Variants in PLEKHG5 observed in about 807,000 individuals in gnomAD.
PLEKHG5 encodes the protein pleckstrin homology domain-containing family G member 5.
PLEKHG5 carries 52 observed loss-of-function variants against 103.8 expected under a neutral mutation model. The ratio of observed to expected loss-of-function variants is 0.50; its 90% CI spans 0.40 to 0.63. PLEKHG5 has a LOEUF of 0.63. PLEKHG5 is among the 30% of genes least tolerant of loss of function. PLEKHG5 has a pLI of 0.00. For missense variants in PLEKHG5, 1,205 were observed against 1,347.6 expected (o/e 0.89, Z 1.66); for synonymous variants, 592 against 575.5 (o/e 1.03, Z -0.41).
chr1:6,475,392 A>C, intron 4 of PLEKHG5, 70 bp downstream of exon 4: 1 of 1,354,120 alleles, frequency 7.4e-7, no homozygotes, highest in Non-Finnish European at 1.1e-6. Context: ...ATCCCGGAGG[A>C]AGGCCCAGGC....
chr1:6,507,193 C>G (rs1429911017), intron 1 of PLEKHG5, among the ~76,000 whole-genome samples: 2 of 152,138 alleles, frequency 1.3e-5, no homozygotes, highest in Non-Finnish European at 2.9e-5. Context: ...ATCCACGTGA[C>G]CTGTGCCCCA....
In PLEKHG5 at chr1:6,490,630, T is replaced by G. The variant is rs1645133763; in HGVS notation, c.-88+1007A>C. The G allele has an allele frequency of 1.0e-6, 1 of 984,610 alleles. No individual in the cohort carries two copies. The highest frequency in any genetic ancestry group is 4.7e-5 in the South Asian group (1 of 21,268). The allele number at this position is 984,610 out of a possible 1,614,324, so 61.0% of individuals were successfully genotyped here. On this transcript the variant is annotated intron_variant, in intron 1 of 20. Transcript: ENST00000377728. This position sits in a 1 kb window ranked among gnomAD's most constrained non-coding sequence, Gnocchi z 8.0. Reference sequence around the variant, plus strand: ...CGGTAGCCGCGCGGGCGCTACCACCTGGACCGGCCGGGATGTACCAACGGC... The same window carrying G: ...CGGTAGCCGCGCGGGCGCTACCACCGGGACCGGCCGGGATGTACCAACGGC...
At chr1:6,514,171 A>C (rs1638551585) in intron 1 of PLEKHG5, among the ~76,000 whole-genome samples, 1 of 152,186 alleles carries the variant, frequency 6.6e-6, no homozygotes, top group African/African-American at 2.4e-5. Flanking sequence ...AAAAAAATTA[A>C]AAATTAGCCA....
intron 1 of PLEKHG5, among the ~76,000 whole-genome samples, chr1:6,516,670 A>G (rs1638622553): frequency 6.6e-6 from 1 of 151,766 alleles, no homozygotes; most frequent in Non-Finnish European, 1.5e-5. Context: ...AAAATATAAA[A>G]TAAAAGATGA....
intron 1 of PLEKHG5, among the ~76,000 whole-genome samples, chr1:6,482,169 ATCC>A (rs1181102304): frequency 1.3e-5 from 2 of 151,648 alleles, no homozygotes; most frequent in African/African-American, 4.9e-5. Context: ...TCACCTTCTC[ATCC>A]TCCTCATTCG....
Position 6,477,663 on chromosome 1 carries a change from G to C in PLEKHG5, c.-87-5C>G. The C allele has an allele frequency of 6.2e-7, 1 of 1,602,352 alleles. No individual in the cohort carries two copies. Among genetic ancestry groups the C allele is most frequent in the Non-Finnish European group, 8.5e-7 (1 of 1,179,832 alleles). ...GCAGTCGGCGTGGTGACATACCTGG[G>C]GTGGGGACAGAAGCCTTCAGGAGGT... On this transcript the variant is annotated splice_region_variant and splice_polypyrimidine_tract_variant and intron_variant, in intron 1 of 20. Coordinates refer to ENST00000377728, the MANE Select transcript of PLEKHG5 (RefSeq NM_020631.6).
Position 6,490,703 on chromosome 1 carries a change from G to A in PLEKHG5, c.-88+934C>T, listed in dbSNP as rs1372952474. On this transcript the variant is annotated intron_variant, in intron 1 of 20. Transcript: ENST00000377728. This position sits in a 1 kb window ranked among gnomAD's most constrained non-coding sequence, Gnocchi z 8.0. The stretch of plus-strand genomic sequence containing the variant: ...GAGGAGGGGTCCCAGGAAGGGCCCC[G>A]CGCCGGAGCCAGGGAGGTGGCTGGA... 1.5e-5 allele frequency: 10 copies of A among 680,720 alleles called. No homozygotes were observed. The highest frequency in any genetic ancestry group is 1.8e-5 in the Non-Finnish European group (10 of 552,006). The allele number at this position is 680,720 out of a possible 1,614,324, so 42.2% of individuals were successfully genotyped here.
intron 16 of PLEKHG5, 95 bp from the exon 17 acceptor site, chr1:6,469,771 C>CA: frequency 8.7e-7 from 1 of 1,154,184 alleles, no homozygotes; most frequent in Non-Finnish European, 1.3e-6. Context: ...CGGTTTTTGT[C>CA]AAACACTCCT....
chr1:6,519,387 T>C (rs991770918), intron 1 of PLEKHG5: 1 of 1,361,952 alleles, frequency 7.3e-7, no homozygotes, highest in African/African-American at 1.4e-5. Context: ...AAGCCCCTCC[T>C]TTCACTCTGT....
At chr1:6,494,924 G>C (rs1346204735), upstream of PLEKHG5, among the ~76,000 whole-genome samples, 1 of 152,210 alleles carries the variant, frequency 6.6e-6, no homozygotes, top group African/African-American at 2.4e-5. Context: ...AGGGCTGGAG[G>C]TGAGGTCTGG....
At chr1:6,509,451 G>T (rs1282177726) in intron 1 of PLEKHG5, among the ~76,000 whole-genome samples, 1 of 152,200 alleles carries the variant, frequency 6.6e-6, no homozygotes, top group Admixed American at 6.5e-5. Flanking sequence ...CCCAAGCAGG[G>T]TCCACCCCCG....
intron 1 of PLEKHG5, among the ~76,000 whole-genome samples, chr1:6,515,687 G>C (rs1000962599): frequency 4.0e-5 from 6 of 151,450 alleles, no homozygotes; most frequent in Non-Finnish European, 5.9e-5. Context: ...AAAAAAAAAA[G>C]ACTATGTAAG....
intron 1 of PLEKHG5, among the ~76,000 whole-genome samples, chr1:6,512,211 C>G (rs9787374): frequency 0.25 from 38,691 of 152,092 alleles, 5,494 homozygotes; most frequent in East Asian, 0.6. Context: ...GTCCACCACC[C>G]TCCATACCAT....
At chr1:6,497,157 G>A, upstream of PLEKHG5, 1 of 980,842 alleles carries the variant, frequency 1.0e-6, no homozygotes, top group Non-Finnish European at 1.5e-6. This position sits in a 1 kb window ranked among gnomAD's most constrained non-coding sequence, Gnocchi z 6.1. Flanking sequence ...GGGTGCTGCC[G>A]AGGCAGGCCC....
upstream of PLEKHG5, among the ~76,000 whole-genome samples, chr1:6,492,696 A>ATGG: frequency 6.6e-6 from 1 of 152,138 alleles, no homozygotes; most frequent in Non-Finnish European, 1.5e-5. Flanking sequence ...CCAGATGAGG[A>ATGG]ACCTGGGGTT....
chr1:6,470,644 C>A lies in PLEKHG5; in HGVS notation c.1543-1G>T. The A allele has an allele frequency of 6.4e-7, 1 of 1,569,210 alleles. No homozygotes were observed. Among genetic ancestry groups the A allele is most frequent in the Non-Finnish European group, 8.6e-7 (1 of 1,162,924 alleles). On this transcript the variant is annotated splice_acceptor_variant, in intron 14 of 20. Transcript: ENST00000377728. LOFTEE classifies it high-confidence loss of function. ...GGATGAAGCGCTCCACGGAGCCGAT[C>A]TAGGGGCAGGTGAGGGAGCTTCAGG...
In PLEKHG5 at chr1:6,471,604, C is replaced by T; in HGVS notation, c.1165G>A (p.Glu389Lys). 1 of 1,595,532 alleles carries T rather than the reference C, an allele frequency of 6.3e-7. No individual in the cohort carries two copies. The highest frequency in any genetic ancestry group is 8.5e-7 in the Non-Finnish European group (1 of 1,172,072). ...EAERLFSNIP[E>K]IAQLHRRLWA... ...AGCCTGCGGTGCAGCTGCGCGATCT[C>T]CGGGATGTTGCTGAACAGGCGCTCC... The change falls in exon 12 of 21, where the codon GAG (glutamate) becomes AAG (lysine). Residue 389 changes from glutamate (E) to lysine (K), a missense_variant. Physicochemically the swap from Glu to Lys is moderately conservative, Grantham distance 56. Transcript: ENST00000377728.
chr1:6,518,821 C>T (rs1398445168), intron 1 of PLEKHG5, among the ~76,000 whole-genome samples: 1 of 152,148 alleles, frequency 6.6e-6, no homozygotes, highest in Non-Finnish European at 1.5e-5. Flanking sequence ...AGCCAACCTG[C>T]CACCAGAGCA....
intron 1 of PLEKHG5, among the ~76,000 whole-genome samples, chr1:6,515,417 T>C (rs781358845): frequency 2.1e-4 from 32 of 151,874 alleles, no homozygotes; most frequent in Non-Finnish European, 3.5e-4. Context: ...GTCCCAGCTA[T>C]TGGGGAGGCT....
Sources: gnomAD v4.1 joint callset for allele counts (sites outside exome capture counted in the v4.1 genomes callset) on GRCh38, gnomAD v4.1.1 for gene constraint, Gnocchi (gnomAD v3.1) non-coding constraint, MANE v1.5 for transcripts, NCBI Gene and HGNC (gene_info 2026-07-23, HGNC 2026-07-21) for gene names.